RNF150: variants seen among roughly 807,000 people sequenced by gnomAD.
RNF150 encodes the protein ring finger protein 150.
Under a neutral mutation model 39.3 loss-of-function variants are expected in RNF150, and 24 were observed. The ratio of observed to expected loss-of-function variants is 0.61; its 90% confidence interval spans 0.44 to 0.86. The LOEUF is 0.86. RNF150 is among the 40% of genes least tolerant of loss of function. The pLI is 0.00. For synonymous variants in RNF150, 255 were observed against 227.3 expected (o/e 1.12, Z -1.10); for missense variants, 502 against 587.8 (o/e 0.85, Z 1.51).
chr4:141,173,938 A>G (rs1727768558), intron 1 of RNF150, among the ~76,000 whole-genome samples: 1 of 152,038 alleles, frequency 6.6e-6, no homozygotes, highest in Non-Finnish European at 1.5e-5. Context: ...TTTCCTAGAC[A>G]TTTTCTTATG....
At chr4:140,941,967 A>C (rs950321307) in intron 4 of RNF150, among the ~76,000 whole-genome samples, 6 of 152,032 alleles carry the variant, frequency 3.9e-5, no homozygotes, top group Non-Finnish European at 8.8e-5. Flanking sequence ...CAAATTAAAA[A>C]TAAAACGCGC....
At chr4:140,936,718 A>C (rs1334487720) in intron 4 of RNF150, among the ~76,000 whole-genome samples, 2 of 152,162 alleles carry the variant, frequency 1.3e-5, no homozygotes, top group Non-Finnish European at 2.9e-5. Context: ...AATGTTAAAA[A>C]TAGTATCACA....
At chr4:140,904,023 T>C (rs1435459351) in intron 6 of RNF150, among the ~76,000 whole-genome samples, 1 of 152,224 alleles carries the variant, frequency 6.6e-6, no homozygotes, top group African/African-American at 2.4e-5. Context: ...AGAAATGTTA[T>C]TGCGGAAAAC....
chr4:141,009,489 C>G (rs1033569707), intron 1 of RNF150, among the ~76,000 whole-genome samples: 1 of 152,192 alleles, frequency 6.6e-6, no homozygotes, highest in African/African-American at 2.4e-5. Flanking sequence ...TTATTTTCAT[C>G]TGCAAACTGG....
intron 4 of RNF150, among the ~76,000 whole-genome samples, chr4:140,944,264 A>G (rs1732198776): frequency 6.6e-6 from 1 of 152,182 alleles, no homozygotes; most frequent in Non-Finnish European, 1.5e-5. Context: ...ATATTTTGGC[A>G]TACGTATGAG....
intron 1 of RNF150, among the ~76,000 whole-genome samples, chr4:141,143,456 A>G (rs963525718): frequency 1.3e-5 from 2 of 152,082 alleles, no homozygotes; most frequent in African/African-American, 4.8e-5. Flanking sequence ...CAATCTTCAT[A>G]ATAAATCTCA....
chr4:141,210,695 A>C (rs778705407), intron 1 of RNF150, among the ~76,000 whole-genome samples: 4 of 152,022 alleles, frequency 2.6e-5, no homozygotes, highest in African/African-American at 4.8e-5. Context: ...CTTGTGGACT[A>C]CCAAAAATCA....
At chr4:141,067,639 A>G (rs904207047) in intron 1 of RNF150, among the ~76,000 whole-genome samples, 2 of 152,168 alleles carry the variant, frequency 1.3e-5, no homozygotes, top group African/African-American at 4.8e-5. Flanking sequence ...AATGATCTAC[A>G]TTGGTTTTCT....
chr4:140,965,389 G>T (rs1165078192), intron 2 of RNF150, among the ~76,000 whole-genome samples: 1 of 151,962 alleles, frequency 6.6e-6, no homozygotes. Context: ...CCCTCTTCTG[G>T]GTATATATCC....
intron 1 of RNF150, among the ~76,000 whole-genome samples, chr4:141,078,745 G>A (rs1394002569): frequency 2.9e-4 from 41 of 139,058 alleles, no homozygotes; most frequent in African/African-American, 1.0e-3. Flanking sequence ...AGCCGAGATC[G>A]TGCCACTGCA....
rs76027075 is a variant in RNF150, at chr4:141,011,502, C to A, written c.485-43629G>T. ...GAAAAACAAAAGGTATAATATACCACCCTATATAGCTCCTGTCCAGACAAC... is the reference window on the plus strand; with the variant it reads ...GAAAAACAAAAGGTATAATATACCAACCTATATAGCTCCTGTCCAGACAAC... On this transcript the variant is annotated intron_variant, in intron 1 of 6. Coordinates refer to ENST00000515673, the MANE Select transcript of RNF150 (RefSeq NM_020724.2). 6.8e-3 allele frequency among the ~76,000 whole-genome samples: 1,038 copies of A among 152,276 alleles called. 12 individuals carry two copies. The highest frequency in any genetic ancestry group is 0.023 in the African/African-American group (955 of 41,534).
At chr4:140,938,168 A>G (rs1281126511) in intron 4 of RNF150, among the ~76,000 whole-genome samples, 1 of 152,200 alleles carries the variant, frequency 6.6e-6, no homozygotes, top group East Asian at 1.9e-4. Context: ...CATTTGACTC[A>G]TCTTAAAATC....
intron 5 of RNF150, 84 bp from the exon 6 acceptor site, chr4:140,911,438 A>G: frequency 8.4e-7 from 1 of 1,183,584 alleles, no homozygotes; most frequent in Non-Finnish European, 1.2e-6. Context: ...TTCTGTCTCC[A>G]TGAAAAAATT....
chr4:140,916,559 C>T lies in RNF150; in HGVS notation c.988-5205G>A, dbSNP rs536165229. 1.8e-3 allele frequency among the ~76,000 whole-genome samples: 273 copies of T among 152,238 alleles called. 1 individual carries two copies. Among genetic ancestry groups the T allele is most frequent in the African/African-American group, 6.5e-3 (268 of 41,540 alleles). On this transcript the variant is annotated intron_variant, in intron 5 of 6. Transcript: ENST00000515673. ...GGACTATGTGAAAAGACCAAATCTA[C>T]GTCTAATTGGTGTACCTGAAAGTGA... is the stretch of plus-strand genomic sequence containing the variant.
At chr4:140,930,155 T>G (rs1731571617) in intron 4 of RNF150, among the ~76,000 whole-genome samples, 1 of 151,994 alleles carries the variant, frequency 6.6e-6, no homozygotes, top group South Asian at 2.1e-4. Context: ...AGCAAGACTC[T>G]ACCTCAAAAC....
intron 2 of RNF150, among the ~76,000 whole-genome samples, chr4:140,958,978 C>T (rs928248380): frequency 1.3e-5 from 2 of 152,154 alleles, no homozygotes; most frequent in African/African-American, 2.4e-5. Flanking sequence ...CAGTGCCCTG[C>T]TATTTTAACA....
At position 141,094,294 on chromosome 4, in the gene RNF150, A is replaced by T. The variant is rs148821471; in HGVS notation, c.484+38031T>A. Among the ~76,000 whole-genome samples, 741 of 152,346 alleles carry T rather than the reference A, an allele frequency of 4.9e-3. 2 individuals carry two copies. The highest frequency in any genetic ancestry group is 8.5e-3 in the Non-Finnish European group (576 of 68,036). On this transcript the variant is annotated intron_variant, in intron 1 of 6. Transcript: ENST00000515673. ...GAAAGGCATCTAACACAAAGGGAAGATATTGAAAGTAGCCAGAGAAAAAAA... is the reference window on the plus strand; with the variant it reads ...GAAAGGCATCTAACACAAAGGGAAGTTATTGAAAGTAGCCAGAGAAAAAAA...
rs112387052 is a variant in RNF150 at position 141,084,513 on chromosome 4, T to G, written c.484+47812A>C. Among the ~76,000 whole-genome samples, 901 of 152,280 alleles carry G rather than the reference T, an allele frequency of 5.9e-3. 5 individuals carry two copies. Among genetic ancestry groups the G allele is most frequent in the Non-Finnish European group, 0.011 (722 of 68,016 alleles). On this transcript the variant is annotated intron_variant, in intron 1 of 6. Coordinates refer to ENST00000515673, the MANE Select transcript of RNF150 (RefSeq NM_020724.2). Reference sequence around the variant, plus strand: ...AATTATGTCAACCATGGAAACAAAATGGACCTTCAAAATAACGAAAAACAC... The same window carrying G: ...AATTATGTCAACCATGGAAACAAAAGGGACCTTCAAAATAACGAAAAACAC...
chr4:141,140,547 A>G (rs1055705124), intron 1 of RNF150, among the ~76,000 whole-genome samples: 5 of 152,034 alleles, frequency 3.3e-5, no homozygotes, highest in Non-Finnish European at 7.4e-5. Flanking sequence ...TTTGTTCTAA[A>G]TCATTACTTT....
Sources: gnomAD v4.1 joint callset for allele counts (sites outside exome capture counted in the v4.1 genomes callset) on GRCh38, gnomAD v4.1.1 for gene constraint, MANE v1.5 for transcripts, NCBI Gene and HGNC (gene_info 2026-07-23, HGNC 2026-07-21) for gene names.